Variants in CLCN5 observed in about 807,000 individuals in gnomAD.
CLCN5 encodes H(+)/Cl(-) exchange transporter 5.
A neutral mutation model predicts 54.0 loss-of-function variants in CLCN5; 17 were observed. The observed-to-expected ratio is 0.31, with a 90% CI of 0.22 to 0.47. The LOEUF is 0.47. Among genes scored for constraint, CLCN5 ranks in the 20% least tolerant of loss-of-function variants. CLCN5 has a pLI of 1.00. For synonymous variants in CLCN5, 222 were observed against 233.0 expected, an observed-to-expected ratio of 0.95 and a Z score of 0.43; for missense variants, 448 against 646.7, an observed-to-expected ratio of 0.69 and a Z score of 3.33.
rs1248230837 is a variant in CLCN5, at chrX:50,033,354, A to G, written c.17-8962A>G. Among the ~76,000 whole-genome samples, 4 of 111,425 alleles carry G rather than the reference A, an allele frequency of 3.6e-5. No homozygotes were observed. The East Asian group carries it at 8.4e-4, about 24-fold the overall frequency. ...ACAAAATCAATGTACAAAAATCACA[A>G]TCATTCTTATACACCAATAACAGAC... On this transcript the variant is annotated intron_variant, in intron 3 of 14. Coordinates refer to ENST00000376091, the MANE Select transcript of CLCN5 (RefSeq NM_001127898.4).
intron 3 of CLCN5, among the ~76,000 whole-genome samples, chrX:49,960,463 C>T (rs1350992187): frequency 9.2e-6 from 1 of 108,601 alleles, no homozygotes; most frequent in African/African-American, 3.4e-5. Flanking sequence ...TTACCACACC[C>T]CTCAGGCCTC....
intron 3 of CLCN5, among the ~76,000 whole-genome samples, chrX:50,037,270 C>T (rs190822372): frequency 1.8e-5 from 2 of 112,198 alleles, no homozygotes. Flanking sequence ...TGGGAAATAT[C>T]TGTTATCTGA....
chrX:49,958,182 T>C (rs782491872), intron 3 of CLCN5, among the ~76,000 whole-genome samples: 15 of 111,964 alleles, frequency 1.3e-4, no homozygotes, highest in Non-Finnish European at 2.6e-4. Context: ...TCTATAATTA[T>C]ATTATTTTAC....
At chrX:49,941,920 CTTTTTTTTTTT>C (rs782574821) in intron 3 of CLCN5, among the ~76,000 whole-genome samples, 6 of 60,568 alleles carry the variant, frequency 9.9e-5, no homozygotes, top group African/African-American at 3.6e-4. Context: ...CAATCAGTAT[CTTTTTTTTTTT>C]TTTTTTTTTT....
intron 3 of CLCN5, among the ~76,000 whole-genome samples, chrX:49,976,181 A>C (rs1410555907): frequency 1.8e-5 from 2 of 112,396 alleles, no homozygotes; most frequent in African/African-American, 6.5e-5. Flanking sequence ...TGTTAGGAAA[A>C]TTCTAGGGTC....
At chrX:50,070,079 G>A (rs782585427) in intron 5 of CLCN5, 49 bp downstream of exon 5, 2 of 1,077,598 alleles carry the variant, frequency 1.9e-6, no homozygotes, top group African/African-American at 3.6e-5. Context: ...TACAGGGGAA[G>A]AAATTGAAGA....
intron 11 of CLCN5, among the ~76,000 whole-genome samples, chrX:50,087,680 T>C (rs1447657658): frequency 2.7e-5 from 3 of 111,598 alleles, no homozygotes; most frequent in African/African-American, 9.8e-5. Flanking sequence ...ATTATTGTAA[T>C]CTCTAAGATG....
chrX:50,057,491 T>C (rs868918681), intron 4 of CLCN5, among the ~76,000 whole-genome samples: 29 of 463 alleles, frequency 0.063, 1 homozygote, highest in African/African-American at 0.21. Context: ...CCTGGATAGA[T>C]ACTATCCAGG....
chrX:50,084,951 A>T (rs1275481212), intron 9 of CLCN5, among the ~76,000 whole-genome samples: 1 of 111,610 alleles, frequency 9.0e-6, no homozygotes, highest in African/African-American at 3.3e-5. Flanking sequence ...CTCAAGTTGC[A>T]TGTTGGCTGT....
chrX:50,088,839 A>G lies in CLCN5; in HGVS notation c.1699A>G (p.Ile567Val). The change falls in exon 12 of 15, where the codon ATC (isoleucine) becomes GTC (valine). Residue 567 changes from isoleucine (I) to valine (V), a missense_variant. Physicochemically the swap from Ile to Val is conservative, Grantham distance 29. This residue lies in a region of CLCN5 where 297 missense variants were observed against 470.4 expected (regional missense o/e 0.63). Coordinates refer to ENST00000376091, the MANE Select transcript of CLCN5 (RefSeq NM_001127898.4). The part of the protein sequence containing the change: ...NSWCSQGADC[I>V]TPGLYAMVGA... ...CTGGTGTAGTCAGGGAGCTGATTGC[A>G]TCACCCCCGGCCTTTATGCAATGGT... 1 of 1,211,575 alleles carries G rather than the reference A, an allele frequency of 8.3e-7. No homozygotes were observed. The highest frequency in any genetic ancestry group is 3.0e-5 in the East Asian group (1 of 33,838).
intron 3 of CLCN5, chrX:50,009,090 G>A (rs1351474609): frequency 1.3e-5 from 4 of 308,323 alleles, no homozygotes; most frequent in Non-Finnish European, 2.6e-5. Context: ...TCACATGTTT[G>A]TGTTTGCTAT....
chrX:50,077,842 A>C (rs1557192407), intron 7 of CLCN5, among the ~76,000 whole-genome samples: 1 of 92,523 alleles, frequency 1.1e-5, no homozygotes, highest in Non-Finnish European at 2.2e-5. Flanking sequence ...AAAAAAAAAA[A>C]AAAAAAACAT....
intron 1 of CLCN5, among the ~76,000 whole-genome samples, chrX:49,923,027 G>T (rs1406706543): frequency 2.7e-5 from 3 of 113,166 alleles, no homozygotes; most frequent in Non-Finnish European, 5.6e-5. Context: ...GCCCAGCCCT[G>T]TTCTCCGAGT....
chrX:49,956,896 T>C (rs1370942056), intron 3 of CLCN5, among the ~76,000 whole-genome samples: 2 of 111,903 alleles, frequency 1.8e-5, no homozygotes, highest in Non-Finnish European at 3.8e-5. Flanking sequence ...TTCATTCATG[T>C]CTCCATTAAA....
intron 3 of CLCN5, among the ~76,000 whole-genome samples, chrX:49,973,575 T>C (rs1252179093): frequency 9.2e-6 from 1 of 108,189 alleles, no homozygotes; most frequent in African/African-American, 3.4e-5. Context: ...ATAATTCACG[T>C]ATTATACAAC....
At chrX:50,033,581 T>C (rs1043399849) in intron 3 of CLCN5, among the ~76,000 whole-genome samples, 137 of 111,040 alleles carry the variant, frequency 1.2e-3, no homozygotes, top group African/African-American at 4.3e-3. Context: ...ATTGTGAAAA[T>C]GGCCATACTG....
chrX:50,058,819 TAA>T (rs1468015855), intron 4 of CLCN5, among the ~76,000 whole-genome samples: 22 of 111,665 alleles, frequency 2.0e-4, no homozygotes, highest in Non-Finnish European at 3.8e-4. Flanking sequence ...AAATTTGAGA[TAA>T]GTTTTACTTT....
intron 3 of CLCN5, among the ~76,000 whole-genome samples, chrX:49,957,321 T>C (rs2147298921): frequency 9.0e-6 from 1 of 111,525 alleles, no homozygotes; most frequent in African/African-American, 3.3e-5. Context: ...AAAAAATACA[T>C]ACCTTGTTAA....
Position 50,070,118 on chromosome X carries a change from T to G in CLCN5, c.315+88T>G. ...ATATTCTTTCTATTCTTTCCTTTCT[T>G]CAGCCCTGGATGTGACTGAATCTGG... On this transcript the variant is annotated intron_variant, in intron 5 of 14. Transcript: ENST00000376091. The G allele has an allele frequency of 4.4e-6, 4 of 914,041 alleles. No individual in the cohort carries two copies. In the South Asian group the frequency reaches 8.6e-5, roughly 20 times the overall value. The allele number at this position is 914,041 out of a possible 1,213,427, so 75.3% of individuals were successfully genotyped here. A position where few individuals can be genotyped will look rare whatever the true frequency, so the allele number is the denominator to read the frequency against.
Sources: allele counts gnomAD v4.1 joint callset (sites outside exome capture counted in the v4.1 genomes callset), GRCh38; gene constraint gnomAD v4.1.1; regional missense constraint gnomAD v4.1.1; transcripts MANE v1.5; gene names NCBI Gene and HGNC (gene_info 2026-07-23, HGNC 2026-07-21).